KIRREL1: variants seen among roughly 807,000 people sequenced by gnomAD.
KIRREL1 encodes the protein kirre like nephrin family adhesion molecule 1.
A neutral mutation model predicts 83.3 loss-of-function variants in KIRREL1; 25 were observed. That is an observed-to-expected ratio of 0.30 (90% confidence interval 0.22 to 0.42). The LOEUF is 0.42. Among genes scored for constraint, KIRREL1 ranks in the 10% least tolerant of loss-of-function variants. The probability of loss-of-function intolerance (pLI) is 1.00; values close to 1 mark genes in which losing one functional copy is unlikely to be tolerated. For missense variants in KIRREL1, 812 were observed against 1,032.3 expected (o/e 0.79, Z 2.92); for synonymous variants, 388 against 410.4 (o/e 0.95, Z 0.66).
chr1:158,029,159 C>G (rs2101666428), intron 1 of KIRREL1, among the ~76,000 whole-genome samples: 1 of 152,236 alleles, frequency 6.6e-6, no homozygotes, highest in African/African-American at 2.4e-5. Context: ...AATAACCTAT[C>G]GTGAATCAAC....
At chr1:158,062,457 G>C (rs892478416) in intron 1 of KIRREL1, among the ~76,000 whole-genome samples, 1 of 152,246 alleles carries the variant, frequency 6.6e-6, no homozygotes, top group Non-Finnish European at 1.5e-5. Flanking sequence ...TTCAGCAGCC[G>C]GTTGGAACTG....
chr1:158,035,237 T>C (rs1350836044), intron 1 of KIRREL1, among the ~76,000 whole-genome samples: 1 of 152,198 alleles, frequency 6.6e-6, no homozygotes, highest in East Asian at 1.9e-4. Context: ...GAAGGAAACC[T>C]GTTTAGAACA....
At chr1:158,069,732 G>T (rs765209255) in intron 1 of KIRREL1, among the ~76,000 whole-genome samples, 1 of 152,210 alleles carries the variant, frequency 6.6e-6, no homozygotes, top group Non-Finnish European at 1.5e-5. Context: ...CTGGCTCCTT[G>T]CTGTGCTCTC....
intron 1 of KIRREL1, among the ~76,000 whole-genome samples, chr1:158,038,845 G>A (rs1201692462): frequency 1.3e-5 from 2 of 152,204 alleles, no homozygotes; most frequent in African/African-American, 2.4e-5. Context: ...AGAGTGGTAC[G>A]TAGTAGGTCT....
chr1:158,023,012 C>G (rs1660045459), intron 1 of KIRREL1, among the ~76,000 whole-genome samples: 1 of 152,194 alleles, frequency 6.6e-6, no homozygotes, highest in Non-Finnish European at 1.5e-5. Flanking sequence ...TTTTGGAGGC[C>G]TATGTGGCCC....
chr1:158,001,070 C>CTGT (rs1396313366), intron 1 of KIRREL1, among the ~76,000 whole-genome samples: 1 of 152,208 alleles, frequency 6.6e-6, no homozygotes, highest in Non-Finnish European at 1.5e-5. Context: ...TCCCAGGAAG[C>CTGT]TGTCCCATCC....
rs768560196 is a variant in KIRREL1, at chr1:158,078,079, T to C, written c.291T>C (p.Ser97=). The C allele has an allele frequency of 1.2e-6, 2 of 1,614,146 alleles. No homozygotes were observed. The highest frequency in any genetic ancestry group is 3.3e-5 in the Admixed American group (2 of 60,020). Reference sequence around the variant, plus strand: ...ATGCTGAGCTCTCTGACGACGCCTCTTACGAGTGCCAGGCCACGGAGGCCG... The same window carrying C: ...ATGCTGAGCTCTCTGACGACGCCTCCTACGAGTGCCAGGCCACGGAGGCCG... The part of the protein sequence containing the change: ...ITDAELSDDA[S]YECQATEAAL... Residue 97 remains serine (S), a synonymous_variant, in exon 3 of 15, where the codon TCT becomes TCC. Transcript: ENST00000359209.
chr1:157,993,729 G>A lies in KIRREL1; in HGVS notation c.52+1G>A. 6.7e-7 allele frequency: 1 copy of A among 1,492,022 alleles called. No individual in the cohort carries two copies. Among genetic ancestry groups the A allele is most frequent in the Admixed American group, 2.3e-5 (1 of 43,038 alleles). 92.4% of individuals were successfully genotyped at this position (1,492,022 alleles called of 1,614,324 possible). Reference sequence around the variant, plus strand: ...ACTCTCTCCGATACTTTCTCCCAAGGTAAGGGCCCCCAGCCCACCCCCGGA... The same window carrying A: ...ACTCTCTCCGATACTTTCTCCCAAGATAAGGGCCCCCAGCCCACCCCCGGA... On this transcript the variant is annotated splice_donor_variant, in intron 1 of 14. Transcript: ENST00000359209. LOFTEE classifies it high-confidence loss of function.
rs1315251444 is a variant in KIRREL1 at position 158,091,472 on chromosome 1, G to A, written c.1387G>A (p.Glu463Lys). The A allele has an allele frequency of 6.2e-7, 1 of 1,614,252 alleles. No homozygotes were observed. The highest frequency in any genetic ancestry group is 1.1e-5 in the South Asian group (1 of 91,090). Residue 463 changes from glutamate (E) to lysine (K), a missense_variant, in exon 11 of 15, where the codon GAG becomes AAG. Around this residue, in one of 3 missense-constraint regions of KIRREL1, gnomAD observed 472 missense variants for 626.8 expected, o/e 0.75. Transcript: ENST00000359209. ...CACGCTCACCATCAACAATGTCATG[G>A]AGGCCGACTTTCAGACTCACTACAA... Reference protein sequence around the residue: ...LSTLTINNVMEADFQTHYNCT... With the variant: ...LSTLTINNVMKADFQTHYNCT...
At chr1:158,036,085 G>A (rs372236775) in intron 1 of KIRREL1, among the ~76,000 whole-genome samples, 1 of 152,064 alleles carries the variant, frequency 6.6e-6, no homozygotes, top group Non-Finnish European at 1.5e-5. Context: ...GGGATACTGG[G>A]GATTACTAAA....
At chr1:157,998,986 A>C (rs1659279343) in intron 1 of KIRREL1, among the ~76,000 whole-genome samples, 1 of 152,170 alleles carries the variant, frequency 6.6e-6, no homozygotes, top group African/African-American at 2.4e-5. Flanking sequence ...TAGACCCCAG[A>C]TTCAACCCCT....
At chr1:158,037,149 A>G (rs902719258) in intron 1 of KIRREL1, among the ~76,000 whole-genome samples, 1 of 152,188 alleles carries the variant, frequency 6.6e-6, no homozygotes, top group Non-Finnish European at 1.5e-5. Flanking sequence ...CACTGCTGCC[A>G]CGACTAGCAC....
At chr1:158,093,293 G>C (rs537560575) in intron 11 of KIRREL1, 46 bp from the exon 12 acceptor site, 1 of 1,520,160 alleles carries the variant, frequency 6.6e-7, no homozygotes, top group African/African-American at 1.4e-5. Flanking sequence ...TTAGCTCCCA[G>C]TATAACTCCA....
intron 5 of KIRREL1, 67 bp downstream of exon 5, chr1:158,086,813 C>T: frequency 7.0e-7 from 1 of 1,426,728 alleles, no homozygotes; most frequent in Non-Finnish European, 9.6e-7. Flanking sequence ...GAGAAGCACA[C>T]TCTTAGTTTG....
intron 1 of KIRREL1, among the ~76,000 whole-genome samples, chr1:158,012,535 C>CT (rs937490161): frequency 3.3e-5 from 5 of 151,898 alleles, no homozygotes; most frequent in Admixed American, 1.3e-4. Flanking sequence ...AAATACTAAC[C>CT]TTTTTTTTGG....
intron 5 of KIRREL1, among the ~76,000 whole-genome samples, 190 bp from the exon 6 acceptor site, chr1:158,087,565 C>A (rs376226812): frequency 6.6e-6 from 1 of 151,920 alleles, no homozygotes; most frequent in Non-Finnish European, 1.5e-5. Flanking sequence ...TGGTGGTCAC[C>A]CTAGCAGGCC....
chr1:158,026,710 C>T (rs934725667), intron 1 of KIRREL1, among the ~76,000 whole-genome samples: 3 of 152,188 alleles, frequency 2.0e-5, no homozygotes, highest in South Asian at 2.1e-4. Context: ...GAACAGGAAT[C>T]GGAGTCACAG....
intron 1 of KIRREL1, among the ~76,000 whole-genome samples, chr1:158,053,928 A>G (rs1243389104): frequency 6.6e-6 from 1 of 152,052 alleles, no homozygotes; most frequent in African/African-American, 2.4e-5. Context: ...AGTGGTGGGG[A>G]TGGGCCGTGT....
chr1:158,052,954 C>T (rs1660950043), intron 1 of KIRREL1, among the ~76,000 whole-genome samples: 1 of 152,080 alleles, frequency 6.6e-6, no homozygotes, highest in Non-Finnish European at 1.5e-5. Flanking sequence ...GAGGTGCCAG[C>T]TCCTTTAAAC....
Sources: gnomAD v4.1 joint callset for allele counts (sites outside exome capture counted in the v4.1 genomes callset) on GRCh38, gnomAD v4.1.1 for gene constraint, gnomAD v4.1.1 regional missense constraint, MANE v1.5 for transcripts, NCBI Gene and HGNC (gene_info 2026-07-23, HGNC 2026-07-21) for gene names.